PPP3CA: variants seen among roughly 807,000 people sequenced by gnomAD.
PPP3CA encodes the protein CAM-PRP catalytic subunit.
PPP3CA carries 14 observed loss-of-function variants against 66.5 expected under a neutral mutation model. The observed-to-expected ratio is 0.21, with a 90% CI of 0.14 to 0.33. The LOEUF (loss-of-function observed/expected upper bound fraction) is 0.33. Ranked by LOEUF, PPP3CA falls within the 10% of genes least tolerant of loss-of-function variation. The pLI is 1.00. For missense variants in PPP3CA, 317 were observed against 639.5 expected (o/e 0.50, Z 5.44); for synonymous variants, 232 against 226.2 (o/e 1.03, Z -0.23).
In PPP3CA at chr4:101,167,125, A is replaced by T. The variant is rs182678154; in HGVS notation, c.259+28791T>A. On this transcript the variant is annotated intron_variant, in intron 2 of 13. Coordinates refer to ENST00000394854, the MANE Select transcript of PPP3CA (RefSeq NM_000944.5). The stretch of plus-strand genomic sequence containing the variant: ...TTAATAGAAGGAAGTGGTGAGACAA[A>T]TACAAAATTACATTTCTGTAAGAGA... Among the ~76,000 whole-genome samples the T allele has an allele frequency of 4.5e-4, 68 of 152,290 alleles. No individual in the cohort carries two copies. The East Asian group carries it at 9.6e-3, about 22-fold the overall frequency.
At position 101,321,151 on chromosome 4, in the gene PPP3CA, C is replaced by T. The variant is rs934352182; in HGVS notation, c.58+25588G>A. On this transcript the variant is annotated intron_variant, in intron 1 of 13. Coordinates refer to ENST00000394854, the MANE Select transcript of PPP3CA (RefSeq NM_000944.5). ...TATGTCCACCAGTGATCTGTGAGAT[C>T]GAAAACTGTGATTCCATTTTCTCAC... Among the ~76,000 whole-genome samples the T allele has an allele frequency of 3.9e-5, 6 of 152,080 alleles. 1 individual carries two copies. The highest frequency in any genetic ancestry group is 1.5e-5 in the Non-Finnish European group (1 of 68,012).
chr4:101,332,235 G>T (rs1042061186), intron 1 of PPP3CA, among the ~76,000 whole-genome samples: 1 of 152,162 alleles, frequency 6.6e-6, no homozygotes, highest in African/African-American at 2.4e-5. Context: ...AAAAGTCTAG[G>T]TTTCAAATAC....
intron 2 of PPP3CA, among the ~76,000 whole-genome samples, chr4:101,116,746 C>T (rs1179312675): frequency 2.0e-5 from 3 of 151,774 alleles, no homozygotes; most frequent in African/African-American, 7.2e-5. Flanking sequence ...AAAATAACAT[C>T]GTTCTAATTT....
intron 1 of PPP3CA, among the ~76,000 whole-genome samples, chr4:101,205,139 T>C (rs1725091944): frequency 6.6e-6 from 1 of 151,752 alleles, no homozygotes; most frequent in Non-Finnish European, 1.5e-5. Flanking sequence ...TTTACTCTCT[T>C]CTCCAGAGAA....
rs574010157 is a variant in PPP3CA at position 101,240,600 on chromosome 4, A to T, written c.59-44484T>A. On this transcript the variant is annotated intron_variant, in intron 1 of 13. Transcript: ENST00000394854. ...CAAACAGGAAAAAATAAAAAGAGAA[A>T]GCAGGATTTGGGTAAGACAGACACA... 3.2e-4 allele frequency among the ~76,000 whole-genome samples: 49 copies of T among 152,298 alleles called. 1 individual carries two copies. Among genetic ancestry groups the T allele is most frequent in the African/African-American group, 1.2e-3 (49 of 41,578 alleles).
At chr4:101,206,351 CA>C (rs1227734797) in intron 1 of PPP3CA, among the ~76,000 whole-genome samples, 1 of 152,132 alleles carries the variant, frequency 6.6e-6, no homozygotes. Flanking sequence ...GTGAACTTGT[CA>C]ATTTTGGTTT....
At chr4:101,307,483 C>T (rs929148313) in intron 1 of PPP3CA, among the ~76,000 whole-genome samples, 4 of 152,170 alleles carry the variant, frequency 2.6e-5, no homozygotes, top group African/African-American at 9.7e-5. Context: ...AATAAATCTT[C>T]ATTAGTCAAA....
At chr4:101,277,611 A>G (rs946391997) in intron 1 of PPP3CA, among the ~76,000 whole-genome samples, 7 of 152,204 alleles carry the variant, frequency 4.6e-5, no homozygotes, top group African/African-American at 1.7e-4. Flanking sequence ...TTCCTGTTAG[A>G]CAAAAATAGC....
At position 101,314,755 on chromosome 4, in the gene PPP3CA, A is replaced by AT. The variant is rs201602468; in HGVS notation, c.58+31983dup. 2.6e-3 allele frequency among the ~76,000 whole-genome samples: 389 copies of AT among 152,066 alleles called. 2 individuals are homozygous for AT. The highest frequency in any genetic ancestry group is 0.025 in the East Asian group (132 of 5,178). ...GTAATCCCTATGAGATATTTTTGAC[A>AT]TTTTTTTCAATTGAACTAGAGAAAG... On this transcript the variant is annotated intron_variant, in intron 1 of 13. Transcript: ENST00000394854.
intron 1 of PPP3CA, among the ~76,000 whole-genome samples, chr4:101,236,266 A>C (rs1254594786): frequency 6.9e-6 from 1 of 144,280 alleles, no homozygotes; most frequent in African/African-American, 2.4e-5. Context: ...TTTGGTCAAG[A>C]TCTGAAGGAT....
At chr4:101,306,399 C>T (rs1241571118) in intron 1 of PPP3CA, among the ~76,000 whole-genome samples, 1 of 152,140 alleles carries the variant, frequency 6.6e-6, no homozygotes, top group Non-Finnish European at 1.5e-5. Context: ...ACCACCAAGG[C>T]TCCCCCTCCG....
chr4:101,279,741 G>A lies in PPP3CA; in HGVS notation c.58+66998C>T, dbSNP rs143112759. ...AGGTCAGGAAGTAGAACTAAGCTCCGTGAACAGAAGCCAAGCTGAAAGAGG... is the reference window on the plus strand; with the variant it reads ...AGGTCAGGAAGTAGAACTAAGCTCCATGAACAGAAGCCAAGCTGAAAGAGG... On this transcript the variant is annotated intron_variant, in intron 1 of 13. Transcript: ENST00000394854. Among the ~76,000 whole-genome samples, 826 of 152,186 alleles carry A rather than the reference G, an allele frequency of 5.4e-3. 9 individuals are homozygous for A. Among genetic ancestry groups the A allele is most frequent in the African/African-American group, 0.017 (716 of 41,502 alleles).
chr4:101,074,894 G>A (rs1026612790), intron 8 of PPP3CA, among the ~76,000 whole-genome samples: 1 of 152,214 alleles, frequency 6.6e-6, no homozygotes, highest in South Asian at 2.1e-4. Context: ...AGACATACCT[G>A]AGACTGGGTA....
chr4:101,148,985 A>G (rs1034936814), intron 2 of PPP3CA, among the ~76,000 whole-genome samples: 3 of 152,176 alleles, frequency 2.0e-5, no homozygotes, highest in African/African-American at 7.2e-5. Flanking sequence ...CATATTAATG[A>G]ATAAAGATAA....
At chr4:101,251,221 C>T (rs1316577886) in intron 1 of PPP3CA, among the ~76,000 whole-genome samples, 1 of 151,878 alleles carries the variant, frequency 6.6e-6, no homozygotes, top group Non-Finnish European at 1.5e-5. Flanking sequence ...GAGAGCTGAA[C>T]AAAGTCCCTT....
chr4:101,237,270 C>T (rs977106870), intron 1 of PPP3CA, among the ~76,000 whole-genome samples: 2 of 151,662 alleles, frequency 1.3e-5, no homozygotes, highest in Non-Finnish European at 2.9e-5. Flanking sequence ...AATGTGTATA[C>T]AGTAACACTC....
chr4:101,276,700 T>C (rs1285596770), intron 1 of PPP3CA, among the ~76,000 whole-genome samples: 2 of 152,140 alleles, frequency 1.3e-5, no homozygotes, highest in Non-Finnish European at 2.9e-5. Context: ...ATGTTTACTA[T>C]ATTAAAATAA....
At chr4:101,207,531 G>T (rs1472825168) in intron 1 of PPP3CA, among the ~76,000 whole-genome samples, 1 of 152,108 alleles carries the variant, frequency 6.6e-6, no homozygotes, top group African/African-American at 2.4e-5. Flanking sequence ...CAGCTGTTAA[G>T]AGTAGCTAAA....
chr4:101,280,671 T>C (rs1727651640), intron 1 of PPP3CA, among the ~76,000 whole-genome samples: 1 of 151,894 alleles, frequency 6.6e-6, no homozygotes, highest in Admixed American at 6.6e-5. Context: ...AATACAAAAA[T>C]TAGCCGGGCA....
Sources: allele counts gnomAD v4.1 joint callset (sites outside exome capture counted in the v4.1 genomes callset), GRCh38; gene constraint gnomAD v4.1.1; transcripts MANE v1.5; gene names NCBI Gene and HGNC (gene_info 2026-07-23, HGNC 2026-07-21).